The following GALNT17 variants were observed in gnomAD, a reference collection of about 807,000 sequenced individuals.
GALNT17 encodes polypeptide N-acetylgalactosaminyltransferase 17, also known as UDP-GalNAc:polypeptide N-acetylgalactosaminyltransferase-like 3.
GALNT17 carries 29 observed loss-of-function variants against 63.7 expected under a neutral mutation model. That is an observed-to-expected ratio of 0.46 (90% CI 0.34 to 0.62). GALNT17 has a LOEUF of 0.62. GALNT17 is among the 20% of genes least tolerant of loss of function. GALNT17 has a pLI of 0.01. For synonymous variants in GALNT17, 305 were observed against 318.3 expected, an observed-to-expected ratio of 0.96 and a Z score of 0.45; for missense variants, 603 against 799.6, an observed-to-expected ratio of 0.75 and a Z score of 2.97.
At chr7:71,419,691 G>A (rs1055518605) in intron 4 of GALNT17, among the ~76,000 whole-genome samples, 22 of 152,128 alleles carry the variant, frequency 1.4e-4, no homozygotes, top group African/African-American at 5.1e-4. Flanking sequence ...AGGAGAGATG[G>A]TACTTGGTCT....
chr7:71,481,364 T>C (rs1360614510), intron 5 of GALNT17, among the ~76,000 whole-genome samples: 1 of 152,006 alleles, frequency 6.6e-6, no homozygotes, highest in Admixed American at 6.6e-5. Context: ...GGCAGGAGAA[T>C]CGCTTGAACC....
chr7:71,264,538 G>A (rs904642335), intron 1 of GALNT17, among the ~76,000 whole-genome samples: 1 of 152,158 alleles, frequency 6.6e-6, no homozygotes, highest in African/African-American at 2.4e-5. Context: ...CCTGTTCATT[G>A]CAGCAGTATT....
rs73187120 is a variant in GALNT17 at position 71,596,720 on chromosome 7, A to C, written c.1080+25318A>C. On this transcript the variant is annotated intron_variant, in intron 6 of 10. Coordinates refer to ENST00000333538, the MANE Select transcript of GALNT17 (RefSeq NM_022479.3). ...AGGAGAGTTGGCTAAACTGTGAAACACTCACTGTGACTATTGGAATTGCCT... is the reference window on the plus strand; with the variant it reads ...AGGAGAGTTGGCTAAACTGTGAAACCCTCACTGTGACTATTGGAATTGCCT... 5.4e-3 allele frequency among the ~76,000 whole-genome samples: 820 copies of C among 152,158 alleles called. 3 individuals carry two copies. The highest frequency in any genetic ancestry group is 9.0e-3 in the Non-Finnish European group (615 of 68,020).
At chr7:71,220,203 C>T (rs11981051) in intron 1 of GALNT17, among the ~76,000 whole-genome samples, 56,648 of 151,964 alleles carry the variant, frequency 0.37, 10,887 homozygotes, top group South Asian at 0.53. Flanking sequence ...GTCACACAGC[C>T]GAATCATGAC....
intron 1 of GALNT17, among the ~76,000 whole-genome samples, chr7:71,226,631 C>G (rs2116433380): frequency 6.6e-6 from 1 of 152,222 alleles, no homozygotes; most frequent in African/African-American, 2.4e-5. Context: ...AGGTATGCAC[C>G]ACCATGCCCA....
intron 1 of GALNT17, among the ~76,000 whole-genome samples, chr7:71,286,581 G>A (rs1172070164): frequency 1.3e-5 from 2 of 152,092 alleles, no homozygotes; most frequent in South Asian, 2.1e-4. Context: ...AGGAGCCTTT[G>A]CCGCAGCAGG....
At chr7:71,321,864 T>TC (rs1791612604) in intron 1 of GALNT17, among the ~76,000 whole-genome samples, 2 of 127,394 alleles carry the variant, frequency 1.6e-5, no homozygotes, top group African/African-American at 6.5e-5. Context: ...CTTCCTTCCT[T>TC]CCTTTCCTTC....
At position 71,410,868 on chromosome 7, in the gene GALNT17, G is replaced by T. The variant is rs116205189; in HGVS notation, c.590-5021G>T. ...CTTCTCCCCCTCAACCTCCTCAAATGCTGTTTATCAAAATCTTAAAAAACA... is the reference window on the plus strand; with the variant it reads ...CTTCTCCCCCTCAACCTCCTCAAATTCTGTTTATCAAAATCTTAAAAAACA... On this transcript the variant is annotated intron_variant, in intron 3 of 10. Transcript: ENST00000333538. Among the ~76,000 whole-genome samples the T allele has an allele frequency of 7.3e-3, 1,108 of 152,248 alleles. 12 individuals are homozygous for T. The highest frequency in any genetic ancestry group is 0.022 in the African/African-American group (895 of 41,566).
intron 2 of GALNT17, among the ~76,000 whole-genome samples, chr7:71,381,030 GA>G (rs200716146): frequency 0.012 from 1,805 of 151,634 alleles, 34 homozygotes; most frequent in African/African-American, 0.041. Flanking sequence ...GCGCGATATT[GA>G]CTCACTGCAA....
intron 5 of GALNT17, among the ~76,000 whole-genome samples, chr7:71,550,861 AT>A (rs1789065539): frequency 6.6e-6 from 1 of 151,772 alleles, no homozygotes. Flanking sequence ...TAAATCTCTG[AT>A]TTTTTTTATT....
At chr7:71,191,716 A>C (rs1788954876) in intron 1 of GALNT17, among the ~76,000 whole-genome samples, 2 of 152,196 alleles carry the variant, frequency 1.3e-5, no homozygotes, top group South Asian at 4.1e-4. Flanking sequence ...TTTGGCTATT[A>C]TGAAAAGAGC....
At chr7:71,474,468 G>A (rs576382052) in intron 5 of GALNT17, among the ~76,000 whole-genome samples, 19 of 152,208 alleles carry the variant, frequency 1.2e-4, no homozygotes, top group African/African-American at 4.6e-4. Flanking sequence ...TGTGTCACAG[G>A]CTTGTTGTGA....
chr7:71,569,217 G>A (rs1789397468), intron 5 of GALNT17, among the ~76,000 whole-genome samples: 1 of 152,092 alleles, frequency 6.6e-6, no homozygotes, highest in African/African-American at 2.4e-5. Context: ...TGATCCCCCT[G>A]CCTCGGCCTC....
At chr7:71,259,183 T>G (rs1790338091) in intron 1 of GALNT17, among the ~76,000 whole-genome samples, 1 of 152,094 alleles carries the variant, frequency 6.6e-6, no homozygotes, top group Admixed American at 6.6e-5. Context: ...TCTGAATGTC[T>G]AGAGAATTCC....
intron 5 of GALNT17, among the ~76,000 whole-genome samples, chr7:71,506,642 A>G (rs1473898985): frequency 6.6e-6 from 1 of 152,242 alleles, no homozygotes; most frequent in Non-Finnish European, 1.5e-5. Context: ...TATGGGGTAC[A>G]TAGAGATGTT....
chr7:71,669,036 G>A (rs908274182), intron 7 of GALNT17, among the ~76,000 whole-genome samples: 1 of 152,144 alleles, frequency 6.6e-6, no homozygotes, highest in African/African-American at 2.4e-5. Context: ...TAGTTACTAA[G>A]GAAATGCGTA....
chr7:71,425,363 C>T (rs542120905), intron 5 of GALNT17, among the ~76,000 whole-genome samples: 1 of 152,096 alleles, frequency 6.6e-6, no homozygotes, highest in Non-Finnish European at 1.5e-5. Flanking sequence ...TCTGCGACTA[C>T]AGGTGCATGC....
intron 5 of GALNT17, among the ~76,000 whole-genome samples, chr7:71,470,419 C>T (rs73365685): frequency 0.042 from 6,353 of 152,104 alleles, 245 homozygotes; most frequent in African/African-American, 0.1. Flanking sequence ...CACTTGAAAT[C>T]GACAGGTCCT....
intron 2 of GALNT17, among the ~76,000 whole-genome samples, chr7:71,379,088 C>T (rs1353733491): frequency 3.9e-5 from 6 of 152,150 alleles, no homozygotes; most frequent in African/African-American, 1.4e-4. Context: ...GCCATGATGG[C>T]AGCCCACAGA....
Sources: allele counts gnomAD v4.1 joint callset (sites outside exome capture counted in the v4.1 genomes callset), GRCh38; gene constraint gnomAD v4.1.1; transcripts MANE v1.5; gene names NCBI Gene and HGNC (gene_info 2026-07-23, HGNC 2026-07-21).